The following NTN1 variants were observed in gnomAD, a reference collection of about 807,000 sequenced individuals.
NTN1 encodes netrin 1.
In NTN1, 11 loss-of-function variants were observed where a neutral mutation model predicts 54.2. The observed-to-expected ratio is 0.20, with a 90% CI of 0.13 to 0.34. The LOEUF (loss-of-function observed/expected upper bound fraction) is 0.34. NTN1 is among the 10% of genes least tolerant of loss of function. NTN1 has a pLI of 1.00. For synonymous variants in NTN1, 371 were observed against 382.0 expected (o/e 0.97, Z 0.33); for missense variants, 740 against 893.1 (o/e 0.83, Z 2.18).
the NTN1 span, among the ~76,000 whole-genome samples, chr17:9,006,507 GC>G: frequency 2.6e-5 from 4 of 152,252 alleles, no homozygotes; most frequent in African/African-American, 9.6e-5. Flanking sequence ...CCAATCCGGA[GC>G]CAGGAGATGT....
intron 4 of NTN1, among the ~76,000 whole-genome samples, chr17:9,182,260 A>C (rs1324576946): frequency 6.6e-6 from 1 of 152,208 alleles, no homozygotes; most frequent in African/African-American, 2.4e-5. Context: ...TTGGGATGAC[A>C]GATGTGAGCC....
chr17:9,096,330 T>C (rs1012629573), intron 2 of NTN1, among the ~76,000 whole-genome samples: 1 of 148,286 alleles, frequency 6.7e-6, no homozygotes, highest in African/African-American at 2.5e-5. Flanking sequence ...GCCTGGTCAC[T>C]GAATAGGGGC....
intron 2 of NTN1, among the ~76,000 whole-genome samples, chr17:9,060,464 C>T (rs1026296723): frequency 5.3e-5 from 8 of 152,084 alleles, no homozygotes; most frequent in Non-Finnish European, 1.2e-4. Flanking sequence ...AAGTTATACG[C>T]GGGTTTTTTA....
intron 3 of NTN1, among the ~76,000 whole-genome samples, chr17:9,168,458 G>C (rs1157320408): frequency 6.6e-6 from 1 of 152,108 alleles, no homozygotes; most frequent in African/African-American, 2.4e-5. Context: ...CTTGAACCCA[G>C]GAGGCAGAGG....
chr17:9,228,856 G>GTGTGTGAC lies in NTN1; in HGVS notation c.1486+7617_1486+7618insGTGACTGT, dbSNP rs1411544498. 2.5e-3 allele frequency among the ~76,000 whole-genome samples: 131 copies of GTGTGTGAC among 53,218 alleles called. 1 individual carries two copies. The highest frequency in any genetic ancestry group is 2.9e-3 in the Admixed American group (13 of 4,460). The allele number at this position is 53,218 out of a possible 152,430, so 34.9% of individuals were successfully genotyped here. ...TGTGTGTGTGTGTGTGTGTGTGACT[G>GTGTGTGAC]TGTATGAGAGTGTGTCTGTGTGTGA... On this transcript the variant is annotated intron_variant, in intron 6 of 6. Coordinates refer to ENST00000173229, the MANE Select transcript of NTN1 (RefSeq NM_004822.3).
At chr17:9,045,431 G>A (rs1005836954) in intron 2 of NTN1, among the ~76,000 whole-genome samples, 1 of 152,176 alleles carries the variant, frequency 6.6e-6, no homozygotes, top group African/African-American at 2.4e-5. Context: ...CAGCTCTGTG[G>A]AAGAGCATTT....
intron 5 of NTN1, among the ~76,000 whole-genome samples, chr17:9,203,546 C>T (rs34453298): frequency 0.053 from 8,076 of 152,108 alleles, 252 homozygotes; most frequent in Middle Eastern, 0.12. Context: ...CCCCTGTAAT[C>T]CCAGCACTTT....
chr17:9,130,357 C>T (rs2092260800), intron 2 of NTN1, among the ~76,000 whole-genome samples: 1 of 152,122 alleles, frequency 6.6e-6, no homozygotes, highest in South Asian at 2.1e-4. Context: ...CCGTGCCTTG[C>T]TCACAGGTGA....
intron 2 of NTN1, among the ~76,000 whole-genome samples, chr17:9,153,191 C>G (rs2092332535): frequency 6.6e-6 from 1 of 152,066 alleles, no homozygotes. Flanking sequence ...ATTGCTTGAA[C>G]CCGGGAGGCA....
chr17:9,091,449 CCCG>C (rs1019131023), intron 2 of NTN1, among the ~76,000 whole-genome samples: 2 of 127,676 alleles, frequency 1.6e-5, no homozygotes, highest in Admixed American at 1.8e-4. Flanking sequence ...CGTTTAACCC[CCCG>C]CCTTTTTTTT....
Position 9,022,583 on chromosome 17 carries a change from C to T in NTN1, c.210C>T (p.Cys70=), listed in dbSNP as rs1423907156. 3.2e-6 allele frequency: 5 copies of T among 1,545,406 alleles called. No individual in the cohort carries two copies. Among genetic ancestry groups the T allele is most frequent in the Admixed American group, 1.9e-5 (1 of 51,426 alleles). ...FGKDVRVSST[C]GRPPARYCVV... is the part of the protein sequence containing the mutation. Reference sequence around the variant, plus strand: ...AGGACGTGCGCGTGTCCAGCACCTGCGGCCGGCCCCCGGCGCGCTACTGCG... The same window carrying T: ...AGGACGTGCGCGTGTCCAGCACCTGTGGCCGGCCCCCGGCGCGCTACTGCG... Residue 70 remains cysteine (C), a synonymous_variant, in exon 2 of 7, where the codon TGC becomes TGT. Coordinates refer to ENST00000173229, the MANE Select transcript of NTN1 (RefSeq NM_004822.3).
chr17:9,162,834 C>A lies in NTN1; in HGVS notation c.1040C>A (p.Ala347Asp). The A allele has an allele frequency of 6.2e-7, 1 of 1,613,226 alleles. No individual in the cohort carries two copies. Among genetic ancestry groups the A allele is most frequent in the Non-Finnish European group, 8.5e-7 (1 of 1,179,376 alleles). Reference sequence around the variant, plus strand: ...GCAGCCTGTAACTGCAACCTGCATGCCCGGCGCTGCCGCTTCAACATGGAG... The same window carrying A: ...GCAGCCTGTAACTGCAACCTGCATGACCGGCGCTGCCGCTTCAACATGGAG... ...ECVACNCNLH[A>D]RRCRFNMELY... Residue 347 changes from alanine (A) to aspartate (D), a missense_variant, in exon 3 of 7, where the codon GCC (alanine) becomes GAC (aspartate). Physicochemically the swap from Ala to Asp is moderately radical, Grantham distance 126. Transcript: ENST00000173229.
chr17:9,121,015 A>C (rs1273623162), intron 2 of NTN1, among the ~76,000 whole-genome samples: 1 of 152,206 alleles, frequency 6.6e-6, no homozygotes. Flanking sequence ...ATTAAGCCTC[A>C]GGGTGAACAT....
intron 2 of NTN1, among the ~76,000 whole-genome samples, chr17:9,087,736 A>C (rs952943408): frequency 6.6e-6 from 1 of 152,336 alleles, no homozygotes; most frequent in African/African-American, 2.4e-5. Flanking sequence ...ACAGCTGCTC[A>C]TCCTTTGTTT....
intron 2 of NTN1, among the ~76,000 whole-genome samples, chr17:9,061,972 G>A (rs190652188): frequency 2.4e-4 from 37 of 152,242 alleles, no homozygotes; most frequent in Non-Finnish European, 4.7e-4. Flanking sequence ...CAAAGTGCTG[G>A]GATTACAGGT....
At chr17:9,222,610 G>A (rs1394965376) in intron 6 of NTN1, among the ~76,000 whole-genome samples, 3 of 152,160 alleles carry the variant, frequency 2.0e-5, no homozygotes, top group African/African-American at 4.8e-5. Context: ...AGGAAACGGC[G>A]GTGGAAGAAG....
the NTN1 span, among the ~76,000 whole-genome samples, chr17:9,012,531 C>T: frequency 1.8e-5 from 1 of 56,774 alleles, no homozygotes; most frequent in South Asian, 5.5e-4. Context: ...AAAACAAAAA[C>T]AAAACAAAAA....
At chr17:9,142,865 T>C (rs1194504552) in intron 2 of NTN1, among the ~76,000 whole-genome samples, 1 of 152,150 alleles carries the variant, frequency 6.6e-6, no homozygotes, top group Non-Finnish European at 1.5e-5. Flanking sequence ...ATGCTATAAG[T>C]TGATGTAATG....
In NTN1 at chr17:9,212,837, C is replaced by G. The variant is rs1905140639; in HGVS notation, c.1412-8331C>G. 6.6e-6 allele frequency among the ~76,000 whole-genome samples: 1 copy of G among 152,216 alleles called. No individual in the cohort carries two copies. The highest frequency in any genetic ancestry group is 6.5e-5 in the Admixed American group (1 of 15,290). ...AGGGCTGCTGAGAGCGAGACCTTTG[C>G]CAGCTCCCCGCCCTGCTCCAAGGGG... is the stretch of plus-strand genomic sequence containing the variant. On this transcript the variant is annotated intron_variant, in intron 5 of 6. Transcript: ENST00000173229. This position sits in a 1 kb window ranked among gnomAD's most constrained non-coding sequence, Gnocchi z 5.5.
Sources: gnomAD v4.1 joint callset for allele counts (sites outside exome capture counted in the v4.1 genomes callset) on GRCh38, gnomAD v4.1.1 for gene constraint, Gnocchi (gnomAD v3.1) non-coding constraint, MANE v1.5 for transcripts, NCBI Gene and HGNC (gene_info 2026-07-23, HGNC 2026-07-21) for gene names.